The following TRIOBP variants were observed in gnomAD, a reference collection of about 807,000 sequenced individuals.
The protein encoded by TRIOBP is TRIO and F-actin-binding protein.
TRIOBP carries 169 observed loss-of-function variants against 238.8 expected under a neutral mutation model. The observed-to-expected ratio is 0.71, with a 90% confidence interval of 0.62 to 0.80. TRIOBP has a LOEUF of 0.80. Among genes scored for constraint, TRIOBP ranks in the 30% least tolerant of loss-of-function variants. The probability of loss-of-function intolerance (pLI) is 0.00; values close to 1 mark genes in which losing one functional copy is unlikely to be tolerated. For synonymous variants in TRIOBP, 1,150 were observed against 1,274.4 expected, an observed-to-expected ratio of 0.90 and a Z score of 2.08; for missense variants, 2,838 against 3,122.6, an observed-to-expected ratio of 0.91 and a Z score of 2.17.
chr22:37,725,043 C>A lies in TRIOBP; in HGVS notation c.2487C>A (p.Thr829=). 1 of 1,614,140 alleles carries A rather than the reference C, an allele frequency of 6.2e-7. No individual in the cohort carries two copies. Among genetic ancestry groups the A allele is most frequent in the Non-Finnish European group, 8.5e-7 (1 of 1,179,978 alleles). Residue 829 remains threonine, a synonymous_variant, in exon 7 of 24, where the codon ACC becomes ACA. Coordinates refer to ENST00000644935, the MANE Select transcript of TRIOBP (RefSeq NM_001039141.3). ...AGAACATCCCCAGATCATCTTCTACCCAACAAGACAACCCTAAAACCTCTT... is the reference window on the plus strand; with the variant it reads ...AGAACATCCCCAGATCATCTTCTACACAACAAGACAACCCTAAAACCTCTT... ...IQQNIPRSSS[T]QQDNPKTSCT...
chr22:37,713,001 A>T (rs1045951226), intron 4 of TRIOBP, among the ~76,000 whole-genome samples: 1 of 147,870 alleles, frequency 6.8e-6, no homozygotes, highest in Admixed American at 6.7e-5. Context: ...AATAAATAAT[A>T]AAATTACAAA....
intron 6 of TRIOBP, among the ~76,000 whole-genome samples, chr22:37,717,261 G>A (rs982712165): frequency 9.2e-5 from 14 of 152,174 alleles, no homozygotes; most frequent in African/African-American, 3.1e-4. Context: ...GCAGACCTTC[G>A]TGGTGAGCGT....
intron 15 of TRIOBP, among the ~76,000 whole-genome samples, chr22:37,756,315 G>C (rs1925917518): frequency 6.6e-6 from 1 of 152,094 alleles, no homozygotes. Flanking sequence ...TTAAAAATCA[G>C]CTGGCCGTGG....
chr22:37,724,993 G>A lies in TRIOBP; in HGVS notation c.2437G>A (p.Asp813Asn). The A allele has an allele frequency of 6.2e-7, 1 of 1,613,796 alleles. No homozygotes were observed. Among genetic ancestry groups the A allele is most frequent in the Non-Finnish European group, 8.5e-7 (1 of 1,179,916 alleles). ...CTCTCCCATCAGAGCCACCCAACAG[G>A]ACAACCCCAGAACTTGTATTCAACA... ...ASSPIRATQQ[D>N]NPRTCIQQNI... Residue 813 changes from aspartate to asparagine, a missense_variant, in exon 7 of 24, where the codon GAC (aspartate) becomes AAC (asparagine). Asp to Asn is a conservative substitution (Grantham distance 23). Transcript: ENST00000644935.
chr22:37,711,578 C>CAAAAAA (rs1185976077), intron 4 of TRIOBP, among the ~76,000 whole-genome samples: 1 of 18,038 alleles, frequency 5.5e-5, no homozygotes, highest in Non-Finnish European at 1.2e-4. Context: ...GGCTCCGTCT[C>CAAAAAA]AAAAAAAAAA....
At chr22:37,747,588 C>T (rs1925351878) in intron 11 of TRIOBP, among the ~76,000 whole-genome samples, 1 of 152,216 alleles carries the variant, frequency 6.6e-6, no homozygotes, top group Non-Finnish European at 1.5e-5. Flanking sequence ...TTCCTGTCGT[C>T]AGCAGCCTCC....
intron 17 of TRIOBP, among the ~76,000 whole-genome samples, chr22:37,763,690 CCTT>C (rs1264599518): frequency 1.3e-5 from 2 of 152,218 alleles, no homozygotes; most frequent in Non-Finnish European, 2.9e-5. Flanking sequence ...CCCTCACACT[CCTT>C]CTGCTGCCAG....
chr22:37,723,391 T>G lies in TRIOBP; in HGVS notation c.835T>G (p.Ser279Ala). The G allele has an allele frequency of 6.2e-7, 1 of 1,613,546 alleles. No homozygotes were observed. Among genetic ancestry groups the G allele is most frequent in the Middle Eastern group, 1.6e-4 (1 of 6,062 alleles). Reference protein sequence around the residue: ...AASTREIPRASSPHRITQRDT... With the variant: ...AASTREIPRAASPHRITQRDT... ...CTCTACACGTGAAATCCCCAGAGCC[T>G]CCTCTCCCCATCGAATCACCCAAAG... is the stretch of plus-strand genomic sequence containing the variant. The change falls in exon 7 of 24, where the codon TCC becomes GCC. Residue 279 changes from serine (S) to alanine (A), a missense_variant. Physicochemically the swap from Ser to Ala is moderately conservative, Grantham distance 99. Transcript: ENST00000644935.
intron 2 of TRIOBP, among the ~76,000 whole-genome samples, chr22:37,701,090 CA>C (rs1416734066): frequency 6.6e-6 from 1 of 152,216 alleles, no homozygotes. Flanking sequence ...AATCGCACAT[CA>C]AATGCTGGCA....
chr22:37,770,343 C>T (rs1238201993), intron 21 of TRIOBP, among the ~76,000 whole-genome samples: 4 of 146,006 alleles, frequency 2.7e-5, no homozygotes, highest in African/African-American at 5.0e-5. Context: ...CCAGCCACTC[C>T]GGAGGCTGAG....
Position 37,725,535 on chromosome 22 carries a change from A to T in TRIOBP, c.2979A>T (p.Ser993=). Residue 993 remains serine (S), a synonymous_variant, in exon 7 of 24, where the codon TCA becomes TCT. Transcript: ENST00000644935. The stretch of plus-strand genomic sequence containing the variant: ...ACCAGAGCACCTCCCGAACTTCCTC[A>T]CCTGTGTACCCCGCTGCCTATGGGG... ...PGHQSTSRTS[S]PVYPAAYGAP... is the part of the protein sequence containing the mutation. 3.7e-6 allele frequency: 6 copies of T among 1,612,944 alleles called. No homozygotes were observed. The highest frequency in any genetic ancestry group is 5.1e-6 in the Non-Finnish European group (6 of 1,179,794).
intron 3 of TRIOBP, among the ~76,000 whole-genome samples, chr22:37,705,576 T>G (rs1462940606): frequency 6.6e-6 from 1 of 151,258 alleles, no homozygotes; most frequent in Admixed American, 6.6e-5. Flanking sequence ...TTTTTCTGTT[T>G]TGTTTTTGTT....
chr22:37,710,545 G>A lies in TRIOBP; in HGVS notation c.233G>A (p.Gly78Asp). 1 of 1,611,580 alleles carries A rather than the reference G, an allele frequency of 6.2e-7. No homozygotes were observed. The highest frequency in any genetic ancestry group is 8.5e-7 in the Non-Finnish European group (1 of 1,179,858). The change falls in exon 4 of 24, where the codon GGC becomes GAC. Residue 78 changes from glycine (G) to aspartate (D), a missense_variant. By Grantham distance (94) the Gly-to-Asp change is moderately conservative (BLOSUM62 -1). Around this residue, in one of 5 missense-constraint regions of TRIOBP, gnomAD observed 535 missense variants for 537.3 expected, o/e 1.00. Coordinates refer to ENST00000644935, the MANE Select transcript of TRIOBP (RefSeq NM_001039141.3). ...TSGCQSVVDP[G>D]LRPGPKRGPS... ...GGCTGCCAGTCTGTGGTGGACCCAGGCCTCAGGCCAGGGCCCAAGAGGTGG... is the reference window on the plus strand; with the variant it reads ...GGCTGCCAGTCTGTGGTGGACCCAGACCTCAGGCCAGGGCCCAAGAGGTGG...
chr22:37,771,599 A>G (rs770030155), intron 21 of TRIOBP, 51 bp from the exon 22 acceptor site: 1 of 1,559,700 alleles, frequency 6.4e-7, no homozygotes, highest in Non-Finnish European at 8.8e-7. Flanking sequence ...ACTATGGGCC[A>G]GGGTAGCTCT....
Position 37,757,679 on chromosome 22 carries a change from AG to A in TRIOBP, c.5758del (p.Glu1920SerfsTer32). On this transcript the variant is annotated frameshift_variant, in exon 16 of 24. Transcript: ENST00000644935. LOFTEE classifies it high-confidence loss of function. ...YSTQKGPLKAGEQRAGSEVIS... is the reference protein window; with the variant it reads ...YSTQKGPLKAXEQRAGSEVIS... Reference sequence around the variant, plus strand: ...GCACCCAGAAGGGCCCCCTGAAGGCAGGGGAGCAGCGGGCGGGCTCTGAGGT... The same window carrying A: ...GCACCCAGAAGGGCCCCCTGAAGGCAGGGAGCAGCGGGCGGGCTCTGAGGT... 6.3e-7 allele frequency: 1 copy of A among 1,589,964 alleles called. No individual in the cohort carries two copies. Among genetic ancestry groups the A allele is most frequent in the Non-Finnish European group, 8.6e-7 (1 of 1,169,518 alleles).
intron 2 of TRIOBP, among the ~76,000 whole-genome samples, chr22:37,700,266 ATTTT>A (rs35388184): frequency 7.4e-6 from 1 of 134,526 alleles, no homozygotes; most frequent in Non-Finnish European, 1.6e-5. Context: ...GGGAATCTAG[ATTTT>A]TTTTTTTTTT....
intron 17 of TRIOBP, among the ~76,000 whole-genome samples, chr22:37,761,965 C>T (rs757168379): frequency 1.5e-5 from 2 of 132,716 alleles, no homozygotes; most frequent in East Asian, 2.7e-4. Context: ...CTTCTGCCTG[C>T]GTGCTCTGCT....
intron 3 of TRIOBP, among the ~76,000 whole-genome samples, chr22:37,709,445 C>T (rs1191056878): frequency 6.6e-6 from 1 of 152,248 alleles, no homozygotes; most frequent in Non-Finnish European, 1.5e-5. Flanking sequence ...TCTAAGGTTT[C>T]CACTGCCTCG....
rs568063075 is a variant in TRIOBP at position 37,712,158 on chromosome 22, C to T, written c.255-1052C>T. On this transcript the variant is annotated intron_variant, in intron 4 of 23. Transcript: ENST00000644935. Reference sequence around the variant, plus strand: ...CCAGTCTCTTGACCTCTCTGAGCCTCAGTGTCTTCCTCTGTGAAATGGGAA... The same window carrying T: ...CCAGTCTCTTGACCTCTCTGAGCCTTAGTGTCTTCCTCTGTGAAATGGGAA... Among the ~76,000 whole-genome samples, 148 of 151,950 alleles carry T rather than the reference C, an allele frequency of 9.7e-4. 1 individual carries two copies. The highest frequency in any genetic ancestry group is 3.4e-3 in the African/African-American group (141 of 41,460).
Sources: allele counts gnomAD v4.1 joint callset (sites outside exome capture counted in the v4.1 genomes callset), GRCh38; gene constraint gnomAD v4.1.1; regional missense constraint gnomAD v4.1.1; transcripts MANE v1.5; gene names NCBI Gene and HGNC (gene_info 2026-07-23, HGNC 2026-07-21).